Variants in GLIS3 observed in about 807,000 individuals in gnomAD.
GLIS3 encodes the protein zinc finger protein GLIS3.
Under a neutral mutation model 78.6 loss-of-function variants are expected in GLIS3, and 53 were observed. The observed-to-expected ratio is 0.67, with a 90% CI of 0.54 to 0.85. The LOEUF (loss-of-function observed/expected upper bound fraction) is 0.85. Ranked by LOEUF, GLIS3 falls within the 40% of genes least tolerant of loss-of-function variation. GLIS3 has a pLI of 0.00. For missense variants in GLIS3, 1,703 were observed against 1,231.1 expected, an observed-to-expected ratio of 1.38 and a Z score of -5.74; for synonymous variants, 684 against 509.9, an observed-to-expected ratio of 1.34 and a Z score of -4.60.
intron 9 of GLIS3, among the ~76,000 whole-genome samples, chr9:3,847,569 C>G (rs889189341): frequency 6.6e-6 from 1 of 152,234 alleles, no homozygotes; most frequent in Non-Finnish European, 1.5e-5. Flanking sequence ...CACATGCACT[C>G]ATGCTTGTGT....
intron 4 of GLIS3, among the ~76,000 whole-genome samples, chr9:4,113,114 T>C (rs963928441): frequency 6.6e-6 from 1 of 152,108 alleles, no homozygotes; most frequent in African/African-American, 2.4e-5. Context: ...CTTTTGCACA[T>C]ATTTTTTTCA....
chr9:4,244,399 G>A (rs574181718), intron 2 of GLIS3, among the ~76,000 whole-genome samples: 6 of 152,148 alleles, frequency 3.9e-5, no homozygotes, highest in Admixed American at 6.5e-5. Flanking sequence ...TATGACAGGC[G>A]TATGCTGTTA....
chr9:3,893,832 CT>C (rs764323012), intron 7 of GLIS3, among the ~76,000 whole-genome samples: 13 of 152,172 alleles, frequency 8.5e-5, no homozygotes, highest in Non-Finnish European at 1.3e-4. Flanking sequence ...GCCCAGCAAA[CT>C]GTATTTTCAC....
Position 4,266,234 on chromosome 9 carries a change from CT to C in GLIS3, c.388+19803del, listed in dbSNP as rs1825996407. ...CGCCTGGCCCGCACTCACCCTGCTT[CT>C]TAACTTTTTCTGTCATCAGGAAAAT... is the stretch of plus-strand genomic sequence containing the variant. On this transcript the variant is annotated intron_variant, in intron 2 of 10. Transcript: ENST00000381971. Among the ~76,000 whole-genome samples, 8 of 151,868 alleles carry C rather than the reference CT, an allele frequency of 5.3e-5. 1 individual carries two copies. In the South Asian group the frequency reaches 1.7e-3, roughly 32 times the overall value.
At chr9:4,475,406 G>A in the GLIS3 span, among the ~76,000 whole-genome samples, 1 of 152,124 alleles carries the variant, frequency 6.6e-6, no homozygotes, top group Non-Finnish European at 1.5e-5. Context: ...GAGCTTGTTG[G>A]CAAACGTTTA....
At chr9:4,176,797 T>A (rs1330632372) in intron 2 of GLIS3, among the ~76,000 whole-genome samples, 1 of 152,346 alleles carries the variant, frequency 6.6e-6, no homozygotes, top group East Asian at 1.9e-4. Context: ...CTCATTTTTG[T>A]ATTTTTAGTA....
intron 2 of GLIS3, among the ~76,000 whole-genome samples, chr9:4,260,054 T>G (rs968114569): frequency 6.6e-6 from 1 of 152,130 alleles, no homozygotes; most frequent in Non-Finnish European, 1.5e-5. Context: ...GGTGGTTCTA[T>G]AGAAGGAACG....
chr9:3,933,455 C>T (rs181094623), intron 5 of GLIS3, among the ~76,000 whole-genome samples: 87 of 152,268 alleles, frequency 5.7e-4, no homozygotes, highest in African/African-American at 2.1e-3. Flanking sequence ...TTAAACTTAT[C>T]AAAAGTTTGA....
At chr9:4,404,042 G>A in the GLIS3 span, among the ~76,000 whole-genome samples, 11 of 152,036 alleles carry the variant, frequency 7.2e-5, no homozygotes, top group African/African-American at 2.2e-4. Context: ...GATAATCCAC[G>A]ACAATAGAAA....
chr9:4,379,610 G>A, the GLIS3 span, among the ~76,000 whole-genome samples: 10 of 152,308 alleles, frequency 6.6e-5, no homozygotes, highest in African/African-American at 2.2e-4. Context: ...GGTGGTGGCA[G>A]TTGACTTGTT....
At chr9:4,178,191 T>C (rs1249657512) in intron 2 of GLIS3, among the ~76,000 whole-genome samples, 1 of 152,190 alleles carries the variant, frequency 6.6e-6, no homozygotes, top group Non-Finnish European at 1.5e-5. Flanking sequence ...GTAGGTGGAC[T>C]ACGCATTTAC....
rs780948928 is a variant in GLIS3, at chr9:3,856,157, G to T, written c.2325C>A (p.His775Gln). 3 of 1,614,092 alleles carry T rather than the reference G, an allele frequency of 1.9e-6. No homozygotes were observed. The highest frequency in any genetic ancestry group is 4.5e-5 in the East Asian group (2 of 44,852). Residue 775 changes from histidine to glutamine, a missense_variant, in exon 9 of 11, where the codon CAC (histidine) becomes CAA (glutamine). Physicochemically the swap from His to Gln is conservative, Grantham distance 24 (BLOSUM62 0). Coordinates refer to ENST00000381971, the MANE Select transcript of GLIS3 (RefSeq NM_001042413.2). ...ERFAPSAPSP[H>Q]HISPRRVPAP... Reference sequence around the variant, plus strand: ...CTGGAACTCTCCGGGGGCTGATGTGGTGAGGAGATGGAGCAGAAGGTGCAA... The same window carrying T: ...CTGGAACTCTCCGGGGGCTGATGTGTTGAGGAGATGGAGCAGAAGGTGCAA...
intron 6 of GLIS3, among the ~76,000 whole-genome samples, chr9:3,931,371 A>G (rs1825602617): frequency 6.6e-6 from 1 of 152,200 alleles, no homozygotes; most frequent in Non-Finnish European, 1.5e-5. Context: ...GAAAGAATGC[A>G]AGATTTCTAA....
chr9:4,197,609 T>C (rs1318149647), intron 2 of GLIS3, among the ~76,000 whole-genome samples: 4 of 152,184 alleles, frequency 2.6e-5, no homozygotes, highest in African/African-American at 7.2e-5. Flanking sequence ...TGGGGAAGTG[T>C]AGGCAAACCT....
chr9:3,857,175 A>T (rs1430334397), intron 8 of GLIS3, among the ~76,000 whole-genome samples: 1 of 152,218 alleles, frequency 6.6e-6, no homozygotes, highest in African/African-American at 2.4e-5. Flanking sequence ...AGTAAAATGA[A>T]GCAGCAAATG....
chr9:4,185,395 T>C lies in GLIS3; in HGVS notation c.389-59454A>G, dbSNP rs537880815. Among the ~76,000 whole-genome samples the C allele has an allele frequency of 2.5e-4, 38 of 152,338 alleles. No individual in the cohort carries two copies. In the South Asian group the frequency reaches 7.9e-3, roughly 32 times the overall value. On this transcript the variant is annotated intron_variant, in intron 2 of 10. Coordinates refer to ENST00000381971, the MANE Select transcript of GLIS3 (RefSeq NM_001042413.2). Reference sequence around the variant, plus strand: ...GGATTGCTTCTATTTTGGGCTATTATAAAGAATGCTGCCATGAACATTCAC... The same window carrying C: ...GGATTGCTTCTATTTTGGGCTATTACAAAGAATGCTGCCATGAACATTCAC...
At chr9:4,205,050 C>A (rs1252205347) in intron 2 of GLIS3, among the ~76,000 whole-genome samples, 1 of 152,008 alleles carries the variant, frequency 6.6e-6, no homozygotes, top group Non-Finnish European at 1.5e-5. Flanking sequence ...GTGGTTCACA[C>A]CTGTAATCCC....
intron 9 of GLIS3, among the ~76,000 whole-genome samples, chr9:3,837,039 G>A (rs1236537535): frequency 1.3e-5 from 2 of 152,160 alleles, no homozygotes; most frequent in Admixed American, 1.3e-4. Context: ...TGCTTTACAA[G>A]TTGGAATATT....
intron 4 of GLIS3, among the ~76,000 whole-genome samples, chr9:3,960,493 A>G (rs894301363): frequency 6.6e-6 from 1 of 152,150 alleles, no homozygotes; most frequent in Admixed American, 6.5e-5. Context: ...TACTATACCT[A>G]TCCATTAGAA....
Sources: gnomAD v4.1 joint callset for allele counts (sites outside exome capture counted in the v4.1 genomes callset) on GRCh38, gnomAD v4.1.1 for gene constraint, MANE v1.5 for transcripts, NCBI Gene and HGNC (gene_info 2026-07-23, HGNC 2026-07-21) for gene names.